Variants in SMAD3 observed in about 807,000 individuals in gnomAD.
SMAD3 encodes SMAD family member 3, also known as MAD homolog 3.
Under a neutral mutation model 51.8 loss-of-function variants are expected in SMAD3, and 12 were observed. That is an observed-to-expected ratio of 0.23 (90% CI 0.15 to 0.38). SMAD3 has a LOEUF of 0.38. Among genes scored for constraint, SMAD3 ranks in the 10% least tolerant of loss-of-function variants. SMAD3 has a pLI of 1.00. For missense variants in SMAD3, 294 were observed against 565.6 expected (o/e 0.52, Z 4.87); for synonymous variants, 238 against 227.7 (o/e 1.05, Z -0.41).
intron 1 of SMAD3, among the ~76,000 whole-genome samples, chr15:67,085,456 C>T (rs533280449): frequency 1.3e-5 from 2 of 152,310 alleles, no homozygotes; most frequent in East Asian, 3.9e-4. Context: ...AGAAATGACT[C>T]TATTACTCAT....
intron 1 of SMAD3, among the ~76,000 whole-genome samples, chr15:67,067,830 G>A (rs1351440739): frequency 1.3e-5 from 2 of 152,124 alleles, no homozygotes; most frequent in Non-Finnish European, 2.9e-5. Flanking sequence ...GTGATGTGAT[G>A]GTCAGAGAGA....
chr15:67,194,649 A>G lies in SMAD3; in HGVS notation c.*4113A>G. 1 of 232,072 alleles carries G rather than the reference A, an allele frequency of 4.3e-6. No homozygotes were observed. The highest frequency in any genetic ancestry group is 8.5e-6 in the Non-Finnish European group (1 of 117,140). The allele number at this position is 232,072 out of a possible 1,614,324, so 14.4% of individuals were successfully genotyped here. A position where few individuals can be genotyped will look rare whatever the true frequency, so the allele number is the denominator to read the frequency against. ...TCCTCCCAAGGACAGTGGCTGGAAGAGTTGGGGCACAGCCAGTTCTGAATG... is the reference window on the plus strand; with the variant it reads ...TCCTCCCAAGGACAGTGGCTGGAAGGGTTGGGGCACAGCCAGTTCTGAATG... On this transcript the variant is annotated 3_prime_UTR_variant, in exon 9 of 9. Transcript: ENST00000327367.
At chr15:67,131,744 G>A (rs1215202806) in intron 1 of SMAD3, among the ~76,000 whole-genome samples, 1 of 152,122 alleles carries the variant, frequency 6.6e-6, no homozygotes, top group Non-Finnish European at 1.5e-5. Flanking sequence ...AATGAAGCCC[G>A]ATTTGCCAGA....
chr15:67,150,464 A>C (rs903389284), intron 1 of SMAD3, among the ~76,000 whole-genome samples: 1 of 150,784 alleles, frequency 6.6e-6, no homozygotes, highest in East Asian at 1.9e-4. Context: ...GTCTGTGAGA[A>C]TCTTTTCCAG....
intron 1 of SMAD3, among the ~76,000 whole-genome samples, chr15:67,132,444 G>A (rs923348031): frequency 6.6e-6 from 1 of 152,208 alleles, no homozygotes; most frequent in African/African-American, 2.4e-5. Context: ...TGTGCAGCTT[G>A]TGCTTCTTGC....
At chr15:67,111,361 A>T (rs1261934785) in intron 1 of SMAD3, among the ~76,000 whole-genome samples, 1 of 152,170 alleles carries the variant, frequency 6.6e-6, no homozygotes, top group African/African-American at 2.4e-5. Context: ...CAGTGTATGG[A>T]TATACCACAT....
At chr15:67,106,028 C>T (rs1167103715) in intron 1 of SMAD3, among the ~76,000 whole-genome samples, 1 of 152,160 alleles carries the variant, frequency 6.6e-6, no homozygotes, top group Non-Finnish European at 1.5e-5. Flanking sequence ...CAGGACATCA[C>T]TGAGCCCTGT....
intron 1 of SMAD3, among the ~76,000 whole-genome samples, chr15:67,159,356 C>T (rs1962366495): frequency 6.6e-6 from 1 of 152,160 alleles, no homozygotes; most frequent in South Asian, 2.1e-4. Flanking sequence ...CAAGTGTGAG[C>T]CACCACGTCC....
At chr15:67,084,060 C>CT (rs1373497387) in intron 1 of SMAD3, among the ~76,000 whole-genome samples, 190 of 105,138 alleles carry the variant, frequency 1.8e-3, no homozygotes, top group Non-Finnish European at 2.9e-3. Flanking sequence ...CTCAGATTTT[C>CT]TTTTTTTTTC....
At chr15:67,139,080 A>G (rs937243689) in intron 1 of SMAD3, among the ~76,000 whole-genome samples, 8 of 152,202 alleles carry the variant, frequency 5.3e-5, no homozygotes, top group Admixed American at 2.0e-4. Flanking sequence ...GCCCCATAAA[A>G]TGGGCTTGGG....
chr15:67,103,973 A>T (rs936431732), intron 1 of SMAD3, among the ~76,000 whole-genome samples: 2 of 152,132 alleles, frequency 1.3e-5, no homozygotes, highest in Non-Finnish European at 2.9e-5. Context: ...GTTGGTGGTG[A>T]CTGTACAGAA....
chr15:67,190,350 C>T (rs1963328129), intron 8 of SMAD3, 63 bp from the exon 9 acceptor site: 3 of 1,500,174 alleles, frequency 2.0e-6, no homozygotes, highest in Non-Finnish European at 1.9e-6. Context: ...AGCTTTCTGA[C>T]TTGTGTAACC....
At chr15:67,127,886 G>T (rs1961430861) in intron 1 of SMAD3, among the ~76,000 whole-genome samples, 1 of 152,240 alleles carries the variant, frequency 6.6e-6, no homozygotes. Context: ...TATCAATGAA[G>T]CTGGGGGGAG....
chr15:67,074,834 C>T (rs549976157), intron 1 of SMAD3, among the ~76,000 whole-genome samples: 5 of 152,290 alleles, frequency 3.3e-5, no homozygotes, highest in South Asian at 2.1e-4. Flanking sequence ...GGACTACAGG[C>T]GCCCGCCACC....
intron 1 of SMAD3, among the ~76,000 whole-genome samples, chr15:67,153,469 A>T (rs145031687): frequency 0.023 from 2,666 of 114,432 alleles, 35 homozygotes; most frequent in Admixed American, 0.044. Flanking sequence ...GGGCAACAAG[A>T]GCAAAACTCC....
chr15:67,098,768 G>A (rs1960677736), intron 1 of SMAD3: 1 of 646,626 alleles, frequency 1.5e-6, no homozygotes, highest in Non-Finnish European at 2.8e-6. Context: ...GCCCCCGGAA[G>A]GCAGGTGGAA....
rs1242895045 is a variant in SMAD3, at chr15:67,190,720, C to T, written c.*184C>T. On this transcript the variant is annotated 3_prime_UTR_variant, in exon 9 of 9. Coordinates refer to ENST00000327367, the MANE Select transcript of SMAD3 (RefSeq NM_005902.4). ...CAAACCCAGAGGTGGATGTTATGAACAGCTGTGTCTGCCAAACACATTTAC... is the reference window on the plus strand; with the variant it reads ...CAAACCCAGAGGTGGATGTTATGAATAGCTGTGTCTGCCAAACACATTTAC... 2 of 648,186 alleles carry T rather than the reference C, an allele frequency of 3.1e-6. No individual in the cohort carries two copies. Among genetic ancestry groups the T allele is most frequent in the Admixed American group, 2.4e-5 (1 of 41,026 alleles). 40.2% of individuals were successfully genotyped at this position (648,186 alleles called of 1,614,324 possible).
intron 1 of SMAD3, among the ~76,000 whole-genome samples, chr15:67,143,831 G>C (rs187972659): frequency 5.4e-4 from 80 of 148,782 alleles, no homozygotes; most frequent in Admixed American, 4.4e-3. Flanking sequence ...GCCACACACA[G>C]ATCATAATGT....
intron 1 of SMAD3, among the ~76,000 whole-genome samples, chr15:67,086,106 G>A (rs1595891188): frequency 1.3e-5 from 2 of 151,674 alleles, no homozygotes; most frequent in South Asian, 4.2e-4. Context: ...GGTGGTGCAG[G>A]GGGGTGGAGC....
Sources: allele counts gnomAD v4.1 joint callset (sites outside exome capture counted in the v4.1 genomes callset), GRCh38; gene constraint gnomAD v4.1.1; transcripts MANE v1.5; gene names NCBI Gene and HGNC (gene_info 2026-07-23, HGNC 2026-07-21).